The following ZEB2 variants were observed in gnomAD, a reference collection of about 807,000 sequenced individuals.
ZEB2 encodes zinc finger E-box binding homeobox 2, also known as zinc finger E-box-binding homeobox 2.
ZEB2 carries 6 observed loss-of-function variants against 99.9 expected under a neutral mutation model. The observed-to-expected ratio is 0.06, with a 90% confidence interval of 0.03 to 0.12. ZEB2 has a LOEUF of 0.12. Among genes scored for constraint, ZEB2 ranks in the 10% least tolerant of loss-of-function variants. ZEB2 has a pLI of 1.00. For synonymous variants in ZEB2, 517 were observed against 542.5 expected, an observed-to-expected ratio of 0.95 and a Z score of 0.65; for missense variants, 969 against 1,502.8, an observed-to-expected ratio of 0.64 and a Z score of 5.87.
At chr2:144,509,237 TA>T (rs1704995570) in intron 2 of ZEB2, among the ~76,000 whole-genome samples, 1 of 152,204 alleles carries the variant, frequency 6.6e-6, no homozygotes, top group South Asian at 2.1e-4. Context: ...AGCTGCCTGG[TA>T]AAGCATTATC....
At chr2:144,473,447 G>T (rs896966480) in intron 2 of ZEB2, among the ~76,000 whole-genome samples, 3 of 152,124 alleles carry the variant, frequency 2.0e-5, no homozygotes, top group African/African-American at 7.2e-5. Context: ...TTTTTTGGTA[G>T]AGACAGGGTC....
intron 9 of ZEB2, among the ~76,000 whole-genome samples, chr2:144,395,740 A>G (rs1040842685): frequency 3.9e-5 from 6 of 152,178 alleles, no homozygotes; most frequent in African/African-American, 1.4e-4. Context: ...TTAACCCACT[A>G]TCTCTCTACT....
intron 2 of ZEB2, among the ~76,000 whole-genome samples, chr2:144,431,998 G>A (rs868277651): frequency 2.1e-5 from 3 of 141,398 alleles, no homozygotes; most frequent in Non-Finnish European, 3.0e-5. Context: ...CCTTTATCCT[G>A]GAAAAAAAAA....
intron 2 of ZEB2, chr2:144,449,867 G>A (rs1038676209): frequency 1.3e-5 from 2 of 152,230 alleles, no homozygotes; most frequent in Non-Finnish European, 2.9e-5. Context: ...GCTTAGTACA[G>A]TATAGGACTC....
At chr2:144,415,545 C>T (rs1466666711) in intron 4 of ZEB2, among the ~76,000 whole-genome samples, 1 of 152,164 alleles carries the variant, frequency 6.6e-6, no homozygotes, top group Admixed American at 6.5e-5. Flanking sequence ...TGATAATAAC[C>T]CATCCCTTAC....
chr2:144,446,393 C>A (rs1367184080), intron 2 of ZEB2, among the ~76,000 whole-genome samples: 5 of 151,602 alleles, frequency 3.3e-5, no homozygotes, highest in Non-Finnish European at 7.4e-5. Flanking sequence ...TCTTTCCTTC[C>A]TTCCCTCCTT....
At chr2:144,517,752 C>T (rs1479561135) in intron 1 of ZEB2, 8 of 695,820 alleles carry the variant, frequency 1.1e-5, no homozygotes, top group Admixed American at 2.1e-5. Flanking sequence ...GGACCCTTTC[C>T]TTCGAAAAGT....
intron 2 of ZEB2, among the ~76,000 whole-genome samples, chr2:144,448,532 G>A (rs997039426): frequency 5.9e-5 from 9 of 152,134 alleles, no homozygotes. Context: ...TGCATGCAAG[G>A]TACATGCTAA....
intron 2 of ZEB2, among the ~76,000 whole-genome samples, chr2:144,482,751 C>CTT (rs66865728): frequency 3.6e-4 from 54 of 149,084 alleles, no homozygotes; most frequent in Admixed American, 6.0e-4. Flanking sequence ...TCTGATATTT[C>CTT]TTTTTTTTTT....
At chr2:144,408,894 T>C (rs1703421210) in intron 4 of ZEB2, among the ~76,000 whole-genome samples, 1 of 152,076 alleles carries the variant, frequency 6.6e-6, no homozygotes, top group Non-Finnish European at 1.5e-5. Context: ...AATAAATCCC[T>C]TCCCTATGAT....
At chr2:144,402,391 T>A (rs1261971981) in intron 6 of ZEB2, among the ~76,000 whole-genome samples, 2 of 152,048 alleles carry the variant, frequency 1.3e-5, no homozygotes, top group African/African-American at 4.8e-5. Context: ...GGGAGGTTTG[T>A]TCAAACAGCA....
intron 4 of ZEB2, among the ~76,000 whole-genome samples, chr2:144,407,682 AC>A (rs1703407046): frequency 6.6e-6 from 1 of 152,358 alleles, no homozygotes; most frequent in Admixed American, 6.5e-5. Context: ...CTTTTTCAGT[AC>A]TATGACAGCA....
At chr2:144,483,008 A>G (rs751898929) in intron 2 of ZEB2, among the ~76,000 whole-genome samples, 25 of 152,150 alleles carry the variant, frequency 1.6e-4, no homozygotes, top group Non-Finnish European at 3.5e-4. Context: ...ACCAAAAAAG[A>G]TTCTTCATTC....
intron 9 of ZEB2, among the ~76,000 whole-genome samples, chr2:144,391,611 C>T (rs1220489133): frequency 6.6e-6 from 1 of 152,158 alleles, no homozygotes; most frequent in Admixed American, 6.5e-5. Flanking sequence ...TTTGGAAAGA[C>T]ACCGTGGTAG....
intron 2 of ZEB2, among the ~76,000 whole-genome samples, chr2:144,457,569 A>G (rs1378506074): frequency 6.6e-6 from 1 of 152,192 alleles, no homozygotes; most frequent in East Asian, 1.9e-4. Context: ...AGAGAAGAAC[A>G]AAGGCAAGGT....
intron 2 of ZEB2, among the ~76,000 whole-genome samples, chr2:144,471,359 G>T (rs1704352594): frequency 6.6e-6 from 1 of 152,092 alleles, no homozygotes. Context: ...AAAAGGTTGT[G>T]TCAGAGGGCC....
At chr2:144,512,707 G>A (rs1560657841) in intron 2 of ZEB2, 12 of 1,287,174 alleles carry the variant, frequency 9.3e-6, no homozygotes, top group Non-Finnish European at 1.2e-5. Flanking sequence ...CTGCTACGAA[G>A]GAAAGCATGT....
chr2:144,416,932 C>A (rs930180815), intron 4 of ZEB2, among the ~76,000 whole-genome samples: 1 of 152,168 alleles, frequency 6.6e-6, no homozygotes, highest in Non-Finnish European at 1.5e-5. Flanking sequence ...TCAAATAAAA[C>A]GTCTTAATCC....
intron 3 of ZEB2, chr2:144,426,451 A>C (rs961352761): frequency 2.0e-5 from 3 of 151,318 alleles, no homozygotes; most frequent in Non-Finnish European, 4.4e-5. Flanking sequence ...AAGAATCATA[A>C]GTTTTCCATC....
Sources: allele counts gnomAD v4.1 joint callset (sites outside exome capture counted in the v4.1 genomes callset), GRCh38; gene constraint gnomAD v4.1.1; transcripts MANE v1.5; gene names NCBI Gene and HGNC (gene_info 2026-07-23, HGNC 2026-07-21).